The following PRKCQ variants were observed in gnomAD, a reference collection of about 807,000 sequenced individuals.
PRKCQ encodes the protein protein kinase C theta type.
PRKCQ carries 41 observed loss-of-function variants against 91.2 expected under a neutral mutation model. That is an observed-to-expected ratio of 0.45 (90% CI 0.35 to 0.58). The LOEUF (loss-of-function observed/expected upper bound fraction) is 0.58, where lower values mean the gene tolerates loss of function less well. Ranked by LOEUF, PRKCQ falls within the 20% of genes least tolerant of loss-of-function variation. PRKCQ has a pLI of 0.00. For missense variants in PRKCQ, 673 were observed against 896.5 expected (o/e 0.75, Z 3.18); for synonymous variants, 307 against 316.9 (o/e 0.97, Z 0.33).
chr10:6,421,194 ATTG>A, the PRKCQ span, among the ~76,000 whole-genome samples: 1 of 152,148 alleles, frequency 6.6e-6, no homozygotes, highest in Non-Finnish European at 1.5e-5. The surrounding 1 kb of genome is among the most constrained non-coding windows in gnomAD (Gnocchi z 4.1). Context: ...GAAGATAATA[ATTG>A]TTGTAGCCTG....
rs374249459 is a variant in PRKCQ, at chr10:6,510,974, A to G, written c.318+21T>C. 1.7e-4 allele frequency: 269 copies of G among 1,613,682 alleles called. 1 individual carries two copies. The highest frequency in any genetic ancestry group is 2.1e-4 in the Non-Finnish European group (244 of 1,179,752). ...ACCATCATGCTTATCCCTTATGTGC[A>G]TACACTTTATGCAACGTTACCCATA... is the stretch of plus-strand genomic sequence containing the variant. On this transcript the variant is annotated intron_variant, in intron 3 of 17. Transcript: ENST00000263125.
In PRKCQ at chr10:6,501,438, CAAGA is replaced by C. The variant is rs999828789; in HGVS notation, c.380-2884_380-2881del. On this transcript the variant is annotated intron_variant, in intron 4 of 17. Coordinates refer to ENST00000263125, the MANE Select transcript of PRKCQ (RefSeq NM_006257.5). ...ACTGCTGGGATGAGAGGTGTGCAAC[CAAGA>C]AAGGGAGCAGCTGTCTCTGAGGCAG... 1.3e-4 allele frequency among the ~76,000 whole-genome samples: 19 copies of C among 151,936 alleles called. No homozygotes were observed. In the South Asian group the frequency reaches 2.1e-3, roughly 17 times the overall value.
downstream of PRKCQ, among the ~76,000 whole-genome samples, chr10:6,424,042 G>T (rs1833063848): frequency 6.6e-6 from 1 of 152,110 alleles, no homozygotes; most frequent in African/African-American, 2.4e-5. Flanking sequence ...AATCTCCTGT[G>T]TAGCTGTGGC....
At chr10:6,514,011 G>C (rs1483178004) in intron 2 of PRKCQ, among the ~76,000 whole-genome samples, 1 of 152,112 alleles carries the variant, frequency 6.6e-6, no homozygotes. Flanking sequence ...TGCAAGAATA[G>C]ATGCTCTAAA....
At chr10:6,443,876 T>G (rs1014389133) in intron 15 of PRKCQ, among the ~76,000 whole-genome samples, 1 of 152,166 alleles carries the variant, frequency 6.6e-6, no homozygotes, top group African/African-American at 2.4e-5. Flanking sequence ...GCCCTTACTT[T>G]CAGTGACAAA....
At chr10:6,504,450 A>G (rs1387258068) in intron 4 of PRKCQ, among the ~76,000 whole-genome samples, 1 of 152,190 alleles carries the variant, frequency 6.6e-6, no homozygotes, top group East Asian at 1.9e-4. Flanking sequence ...CACACAAGGC[A>G]TATTCTTGCT....
chr10:6,395,926 T>C, the PRKCQ span, among the ~76,000 whole-genome samples: 2 of 152,174 alleles, frequency 1.3e-5, no homozygotes, highest in South Asian at 4.1e-4. Context: ...GTGACGGGTC[T>C]GAATACACCA....
intron 1 of PRKCQ, among the ~76,000 whole-genome samples, chr10:6,525,718 C>T (rs181098654): frequency 6.6e-6 from 1 of 152,188 alleles, no homozygotes; most frequent in South Asian, 2.1e-4. Flanking sequence ...GGCTCACTTG[C>T]CTCTTTCCTC....
chr10:6,569,383 A>C (rs1840950457), intron 1 of PRKCQ, among the ~76,000 whole-genome samples: 1 of 151,762 alleles, frequency 6.6e-6, no homozygotes, highest in Admixed American at 6.6e-5. Flanking sequence ...GGATGCTGGG[A>C]CCTCCTAGGA....
chr10:6,500,532 C>G (rs1410938512), intron 4 of PRKCQ, among the ~76,000 whole-genome samples: 1 of 151,294 alleles, frequency 6.6e-6, no homozygotes, highest in Non-Finnish European at 1.5e-5. Flanking sequence ...TTTAAAATAT[C>G]AGGAATTTCT....
At chr10:6,544,454 C>T (rs759552525) in intron 1 of PRKCQ, among the ~76,000 whole-genome samples, 1 of 152,164 alleles carries the variant, frequency 6.6e-6, no homozygotes. Context: ...ATTAACTCCA[C>T]AGTGATTAAC....
At chr10:6,492,400 C>T (rs960427938) in intron 7 of PRKCQ, among the ~76,000 whole-genome samples, 3 of 152,128 alleles carry the variant, frequency 2.0e-5, no homozygotes, top group Non-Finnish European at 2.9e-5. Flanking sequence ...ATATGTCACA[C>T]GCATCATCTA....
chr10:6,504,413 T>C (rs1838078117), intron 4 of PRKCQ, among the ~76,000 whole-genome samples: 1 of 152,234 alleles, frequency 6.6e-6, no homozygotes, highest in South Asian at 2.1e-4. Flanking sequence ...CCTGCTGGTC[T>C]ACCTAGGCTG....
intron 4 of PRKCQ, among the ~76,000 whole-genome samples, chr10:6,500,987 A>G (rs1196843318): frequency 2.6e-5 from 4 of 152,208 alleles, no homozygotes; most frequent in African/African-American, 9.6e-5. Flanking sequence ...AGGAAAAGAA[A>G]TGGCAAAAGA....
At position 6,576,145 on chromosome 10, in the gene PRKCQ, T is replaced by C. The variant is rs553297232; in HGVS notation, c.-10+4066A>G. On this transcript the variant is annotated intron_variant, in intron 1 of 17. Coordinates refer to ENST00000263125, the MANE Select transcript of PRKCQ (RefSeq NM_006257.5). The surrounding 1 kb of genome is among the most constrained non-coding windows in gnomAD (Gnocchi z 4.2). Reference sequence around the variant, plus strand: ...GGTCCAGCCACTGTGGAAAACAATATGGCAGTTCCTCAAAAAATTAAACAT... The same window carrying C: ...GGTCCAGCCACTGTGGAAAACAATACGGCAGTTCCTCAAAAAATTAAACAT... 3.3e-5 allele frequency among the ~76,000 whole-genome samples: 5 copies of C among 152,318 alleles called. No homozygotes were observed. The highest frequency in any genetic ancestry group is 9.6e-5 in the African/African-American group (4 of 41,562).
At chr10:6,559,292 A>G (rs1241203805) in intron 1 of PRKCQ, among the ~76,000 whole-genome samples, 2 of 152,252 alleles carry the variant, frequency 1.3e-5, no homozygotes, top group East Asian at 1.9e-4. Context: ...ACTGGGGCAG[A>G]TAAGAGCTGT....
intron 8 of PRKCQ, among the ~76,000 whole-genome samples, chr10:6,491,066 G>C (rs1348975139): frequency 6.6e-6 from 1 of 152,150 alleles, no homozygotes; most frequent in Non-Finnish European, 1.5e-5. Context: ...GCTCTGCTGC[G>C]ATCCTGGCCT....
At chr10:6,483,079 G>A (rs189474024) in intron 11 of PRKCQ, among the ~76,000 whole-genome samples, 32 of 152,248 alleles carry the variant, frequency 2.1e-4, no homozygotes, top group Middle Eastern at 3.4e-3. Context: ...CAACACTCCA[G>A]GCTTGAGAAT....
At chr10:6,472,176 T>A (rs1279090541) in intron 12 of PRKCQ, among the ~76,000 whole-genome samples, 1 of 151,896 alleles carries the variant, frequency 6.6e-6, no homozygotes, top group South Asian at 2.1e-4. Context: ...GGCATGGTGG[T>A]GGGCGCCTGT....
Sources: gnomAD v4.1 joint callset for allele counts (sites outside exome capture counted in the v4.1 genomes callset) on GRCh38, gnomAD v4.1.1 for gene constraint, Gnocchi (gnomAD v3.1) non-coding constraint, MANE v1.5 for transcripts, NCBI Gene and HGNC (gene_info 2026-07-23, HGNC 2026-07-21) for gene names.